The following MYLK variants were observed in gnomAD, a reference collection of about 807,000 sequenced individuals.
The protein encoded by MYLK is myosin light chain kinase, also known as myosin light chain kinase, smooth muscle.
Under a neutral mutation model 203.4 loss-of-function variants are expected in MYLK, and 106 were observed. The ratio of observed to expected loss-of-function variants is 0.52; its 90% confidence interval spans 0.45 to 0.61. The LOEUF is 0.61. Ranked by LOEUF, MYLK falls within the 20% of genes least tolerant of loss-of-function variation. MYLK has a pLI of 0.00. For missense variants in MYLK, 2,072 were observed against 2,442.3 expected (o/e 0.85, Z 3.20); for synonymous variants, 867 against 959.5 (o/e 0.90, Z 1.78).
intron 8 of MYLK, chr3:123,737,142 C>G (rs965060839): frequency 1.9e-6 from 1 of 524,276 alleles, no homozygotes; most frequent in South Asian, 2.1e-5. Context: ...TCGCTTGAAC[C>G]TGGGTGGCGG....
chr3:123,659,576 G>C (rs1223935082), intron 23 of MYLK: 3 of 407,336 alleles, frequency 7.4e-6, no homozygotes, highest in East Asian at 1.4e-4. Flanking sequence ...GAGATTGGAG[G>C]CCTCCCACTC....
At chr3:123,772,455 T>G (rs1164496992) in intron 4 of MYLK, among the ~76,000 whole-genome samples, 1 of 152,102 alleles carries the variant, frequency 6.6e-6, no homozygotes, top group Non-Finnish European at 1.5e-5. Flanking sequence ...AACATCCATT[T>G]TGATTAAAAT....
intron 7 of MYLK, among the ~76,000 whole-genome samples, chr3:123,738,015 C>T (rs971215649): frequency 6.6e-5 from 10 of 152,262 alleles, no homozygotes; most frequent in African/African-American, 2.4e-4. Flanking sequence ...CAGCCATCCC[C>T]AACCCCATGC....
intron 19 of MYLK, chr3:123,692,463 A>G: frequency 8.5e-7 from 1 of 1,181,724 alleles, no homozygotes; most frequent in Non-Finnish European, 1.1e-6. Flanking sequence ...CCAGCTCAGA[A>G]GGTTCTGGGT....
chr3:123,737,432 G>A lies in MYLK; in HGVS notation c.700C>T (p.Leu234=). ...NQDDVGVYTC[L]VVNGSGKASM... The stretch of plus-strand genomic sequence containing the variant: ...GCCTTCCCCGACCCGTTCACCACCA[G>A]GCACGTGTACACTCCCACGTCATCT... The change falls in exon 8 of 34, where the codon CTG becomes TTG. Residue 234 remains leucine (L), a synonymous_variant. Coordinates refer to ENST00000360304, the MANE Select transcript of MYLK (RefSeq NM_053025.4). 1.2e-6 allele frequency: 2 copies of A among 1,614,174 alleles called. No homozygotes were observed. The highest frequency in any genetic ancestry group is 1.7e-6 in the Non-Finnish European group (2 of 1,180,032).
intron 5 of MYLK, among the ~76,000 whole-genome samples, chr3:123,748,033 C>T (rs1697590001): frequency 6.6e-6 from 1 of 152,030 alleles, no homozygotes; most frequent in South Asian, 2.1e-4. Flanking sequence ...TGGTAATTTA[C>T]ATGGAAAAGA....
At chr3:123,790,340 G>A (rs993313816) in intron 4 of MYLK, among the ~76,000 whole-genome samples, 5 of 152,178 alleles carry the variant, frequency 3.3e-5, no homozygotes, top group East Asian at 3.9e-4. Flanking sequence ...TAGCTGCAAC[G>A]GAAGCCTCTA....
chr3:123,807,180 G>A (rs1275886465), intron 3 of MYLK, among the ~76,000 whole-genome samples: 4 of 152,150 alleles, frequency 2.6e-5, no homozygotes, highest in Non-Finnish European at 4.4e-5. Flanking sequence ...TGTAATCCCA[G>A]CACTTTGAGA....
At chr3:123,870,952 C>G (rs1229479809) in intron 2 of MYLK, among the ~76,000 whole-genome samples, 1 of 152,178 alleles carries the variant, frequency 6.6e-6, no homozygotes, top group Non-Finnish European at 1.5e-5. Flanking sequence ...CTCCTTTCTA[C>G]AGACCATATT....
intron 2 of MYLK, among the ~76,000 whole-genome samples, chr3:123,852,106 T>C (rs537686742): frequency 2.0e-5 from 3 of 152,342 alleles, no homozygotes; most frequent in African/African-American, 7.2e-5. Context: ...CACTTGATCA[T>C]GGTGGATAAG....
At chr3:123,735,542 T>C in intron 8 of MYLK, 126 bp from the exon 9 acceptor site, 1 of 1,050,762 alleles carries the variant, frequency 9.5e-7, no homozygotes, top group South Asian at 1.3e-5. Flanking sequence ...TCCCTGGTGC[T>C]GAACGTCTTT....
At chr3:123,846,700 T>C (rs796189153) in intron 2 of MYLK, among the ~76,000 whole-genome samples, 8 of 152,194 alleles carry the variant, frequency 5.3e-5, no homozygotes, top group African/African-American at 1.9e-4. Flanking sequence ...ATTTAACTTA[T>C]GAATTAATTT....
chr3:123,738,233 T>A (rs2062744972), intron 7 of MYLK, among the ~76,000 whole-genome samples: 1 of 152,196 alleles, frequency 6.6e-6, no homozygotes, highest in Non-Finnish European at 1.5e-5. Flanking sequence ...GAGCTGTGGC[T>A]TAACACCTAG....
chr3:123,724,126 T>C (rs2108748979), intron 12 of MYLK, among the ~76,000 whole-genome samples: 1 of 146,750 alleles, frequency 6.8e-6, no homozygotes, highest in East Asian at 2.1e-4. Context: ...TTGCTAAGCC[T>C]GGCTAAGTTT....
chr3:123,792,446 C>T (rs886634695), intron 4 of MYLK, among the ~76,000 whole-genome samples: 9 of 152,224 alleles, frequency 5.9e-5, no homozygotes, highest in Admixed American at 4.6e-4. Context: ...CACTCCCCAT[C>T]TCTCTTCCCC....
At chr3:123,739,884 G>T in intron 6 of MYLK, 69 bp downstream of exon 6, 1 of 1,549,206 alleles carries the variant, frequency 6.5e-7, no homozygotes, top group South Asian at 1.1e-5. Flanking sequence ...TTACTCCCCA[G>T]ACCTATCCTG....
At position 123,618,741 on chromosome 3, in the gene MYLK, C is replaced by T; in HGVS notation, c.5398G>A (p.Val1800Ile). ...TTTACATGAGGCTTTTCCTCAGCAACAGCCTCAAGGAAAGCTTGGGACACA... is the reference window on the plus strand; with the variant it reads ...TTTACATGAGGCTTTTCCTCAGCAATAGCCTCAAGGAAAGCTTGGGACACA... ...EDVSQAFLEA[V>I]AEEKPHVKPY... The change falls in exon 33 of 34, where the codon GTT (valine) becomes ATT (isoleucine). Residue 1800 changes from valine (V) to isoleucine (I), a missense_variant. Physicochemically the swap from Val to Ile is conservative, Grantham distance 29. Coordinates refer to ENST00000360304, the MANE Select transcript of MYLK (RefSeq NM_053025.4). 1 of 1,614,132 alleles carries T rather than the reference C, an allele frequency of 6.2e-7. No homozygotes were observed. Among genetic ancestry groups the T allele is most frequent in the Non-Finnish European group, 8.5e-7 (1 of 1,179,986 alleles).
chr3:123,645,337 C>T (rs2058977935), intron 27 of MYLK, among the ~76,000 whole-genome samples: 1 of 152,168 alleles, frequency 6.6e-6, no homozygotes, highest in Non-Finnish European at 1.5e-5. Flanking sequence ...CTACTATTGC[C>T]TTTCCTAAGG....
chr3:123,625,452 A>G (rs1198734223), intron 31 of MYLK: 1 of 149,574 alleles, frequency 6.7e-6, no homozygotes, highest in East Asian at 2.0e-4. Context: ...TGGGTAATGG[A>G]GTGAGACTTT....
Sources: allele counts gnomAD v4.1 joint callset (sites outside exome capture counted in the v4.1 genomes callset), GRCh38; gene constraint gnomAD v4.1.1; transcripts MANE v1.5; gene names NCBI Gene and HGNC (gene_info 2026-07-23, HGNC 2026-07-21).